USP24: variants seen among roughly 807,000 people sequenced by gnomAD.
USP24 encodes the protein ubiquitin specific peptidase 24.
A neutral mutation model predicts 361.6 loss-of-function variants in USP24; 97 were observed. That is an observed-to-expected ratio of 0.27 (90% CI 0.23 to 0.32). The LOEUF is 0.32. Among genes scored for constraint, USP24 ranks in the 10% least tolerant of loss-of-function variants. The pLI, the probability that USP24 is intolerant of heterozygous loss-of-function variation, is 1.00. For synonymous variants in USP24, 1,098 were observed against 1,124.6 expected (o/e 0.98, Z 0.47); for missense variants, 2,353 against 3,165.6 (o/e 0.74, Z 6.16).
In USP24 at chr1:55,180,186, A is replaced by C. The variant is rs113353280; in HGVS notation, c.325-2054T>G. On this transcript the variant is annotated intron_variant, in intron 1 of 67. Coordinates refer to ENST00000294383, the MANE Select transcript of USP24 (RefSeq NM_015306.3). The stretch of plus-strand genomic sequence containing the variant: ...CAGAACCTTGTCTCTCTTCATAATA[A>C]AGTGGCATTTACTTCCCCTGGATCT... 6.4e-3 allele frequency among the ~76,000 whole-genome samples: 970 copies of C among 152,202 alleles called. 4 individuals carry two copies. The highest frequency in any genetic ancestry group is 0.037 in the Middle Eastern group (11 of 294).
intron 5 of USP24, among the ~76,000 whole-genome samples, chr1:55,168,778 T>G (rs901577208): frequency 5.3e-5 from 8 of 152,288 alleles, no homozygotes; most frequent in Middle Eastern, 6.8e-3. Context: ...CACACTGACA[T>G]TATGGTCTGA....
Position 55,097,166 on chromosome 1 carries a change from A to G in USP24, c.5722T>C (p.Trp1908Arg), listed in dbSNP as rs1375001784. The change falls in exon 49 of 68, where the codon TGG (tryptophan) becomes CGG (arginine). Residue 1908 changes from tryptophan (W) to arginine (R), a missense_variant. Trp to Arg is a moderately radical substitution (Grantham distance 101, BLOSUM62 -3). Around this residue, in one of 8 missense-constraint regions of USP24, gnomAD observed 598 missense variants for 761.9 expected, o/e 0.78. Transcript: ENST00000294383. ...GTGTAAGGCTCCATGTTTAGCATCC[A>G]GGGAAACTATGTAGAAGCAAAAAGA... ...IKYDEQIRFP[W>R]MLNMEPYTVS... 1.2e-6 allele frequency: 2 copies of G among 1,613,950 alleles called. No individual in the cohort carries two copies. Among genetic ancestry groups the G allele is most frequent in the South Asian group, 2.2e-5 (2 of 91,068 alleles).
intron 42 of USP24, among the ~76,000 whole-genome samples, chr1:55,102,536 C>A (rs1008080120): frequency 5.9e-5 from 9 of 152,124 alleles, no homozygotes; most frequent in African/African-American, 2.2e-4. Flanking sequence ...CATGTAATAA[C>A]CAACTAGCAG....
chr1:55,087,879 T>C (rs1316462696), intron 55 of USP24, among the ~76,000 whole-genome samples: 1 of 152,156 alleles, frequency 6.6e-6, no homozygotes, highest in East Asian at 1.9e-4. Flanking sequence ...CCACTTACTA[T>C]GTGAAGAGGG....
intron 1 of USP24, among the ~76,000 whole-genome samples, chr1:55,200,550 G>A (rs980072938): frequency 2.0e-5 from 3 of 151,794 alleles, no homozygotes; most frequent in Admixed American, 2.0e-4. Context: ...TATTTTGGGA[G>A]GAGAAAGGAG....
At chr1:55,196,304 G>A (rs1404198139) in intron 1 of USP24, among the ~76,000 whole-genome samples, 1 of 152,110 alleles carries the variant, frequency 6.6e-6, no homozygotes, top group Non-Finnish European at 1.5e-5. Context: ...CTCCCCCTTG[G>A]TGACCTCAGT....
intron 1 of USP24, among the ~76,000 whole-genome samples, chr1:55,206,394 CTTAGTG>C (rs983242848): frequency 6.6e-6 from 1 of 152,016 alleles, no homozygotes; most frequent in Non-Finnish European, 1.5e-5. Context: ...TGAAGAACGA[CTTAGTG>C]TTAGACAGGC....
At chr1:55,168,509 C>T (rs1044460683) in intron 5 of USP24, among the ~76,000 whole-genome samples, 1 of 152,074 alleles carries the variant, frequency 6.6e-6, no homozygotes, top group African/African-American at 2.4e-5. Context: ...GCCAGATTCA[C>T]CCACAGGCAG....
At chr1:55,162,912 G>C (rs1336617021) in intron 7 of USP24, among the ~76,000 whole-genome samples, 1 of 152,034 alleles carries the variant, frequency 6.6e-6, no homozygotes. Flanking sequence ...ACACAATGTT[G>C]CAACAGTACA....
intron 3 of USP24, 44 bp downstream of exon 3, chr1:55,176,332 C>A: frequency 6.6e-7 from 1 of 1,513,864 alleles, no homozygotes; most frequent in South Asian, 1.2e-5. Context: ...ACCCTGCCCC[C>A]ACCCCGACAC....
chr1:55,100,812 A>C, intron 44 of USP24, 27 bp downstream of exon 44: 1 of 1,574,190 alleles, frequency 6.4e-7, no homozygotes, highest in South Asian at 1.2e-5. Flanking sequence ...AACATCTTTA[A>C]ATCTCAAGAG....
At chr1:55,138,243 C>T (rs148974307) in intron 26 of USP24, among the ~76,000 whole-genome samples, 1 of 152,234 alleles carries the variant, frequency 6.6e-6, no homozygotes, top group African/African-American at 2.4e-5. Flanking sequence ...AATGTTCTCC[C>T]AAGCAAACGT....
intron 7 of USP24, 30 bp downstream of exon 7, chr1:55,165,853 CCA>C: frequency 2.6e-6 from 4 of 1,540,848 alleles, no homozygotes; most frequent in Non-Finnish European, 2.6e-6. Flanking sequence ...AAATGAATTT[CCA>C]CAGTGAGCAT....
chr1:55,192,533 C>T (rs1329280087), intron 1 of USP24, among the ~76,000 whole-genome samples: 1 of 152,182 alleles, frequency 6.6e-6, no homozygotes, highest in African/African-American at 2.4e-5. Flanking sequence ...TTGTCTATTA[C>T]TTGTGTATTA....
At chr1:55,138,169 T>A (rs1357657866) in intron 26 of USP24, among the ~76,000 whole-genome samples, 1 of 152,152 alleles carries the variant, frequency 6.6e-6, no homozygotes, top group Non-Finnish European at 1.5e-5. Context: ...TTTCCCTTTC[T>A]CACTGTGCTC....
intron 8 of USP24, among the ~76,000 whole-genome samples, chr1:55,161,519 G>A (rs900888570): frequency 6.6e-6 from 1 of 152,126 alleles, no homozygotes; most frequent in African/African-American, 2.4e-5. Flanking sequence ...TGCTCCAGAA[G>A]GACACTGTGC....
At chr1:55,151,589 GT>G (rs60258543) in intron 16 of USP24, among the ~76,000 whole-genome samples, 2 of 151,232 alleles carry the variant, frequency 1.3e-5, no homozygotes, top group South Asian at 2.1e-4. Context: ...GAAAAATGAG[GT>G]TTTTTTTTGG....
At chr1:55,107,841 C>CAAAAAAAAAAA (rs777328294) in intron 39 of USP24, among the ~76,000 whole-genome samples, 12 of 38,222 alleles carry the variant, frequency 3.1e-4, no homozygotes, top group East Asian at 1.1e-3. Flanking sequence ...GACTCTGTCT[C>CAAAAAAAAAAA]AAAAAAAAAA....
chr1:55,178,664 A>T (rs1371849315), intron 1 of USP24, among the ~76,000 whole-genome samples: 1 of 148,794 alleles, frequency 6.7e-6, no homozygotes, highest in Non-Finnish European at 1.5e-5. Flanking sequence ...CAACAGAGTG[A>T]GACTCCGTCT....
Sources: gnomAD v4.1 joint callset for allele counts (sites outside exome capture counted in the v4.1 genomes callset) on GRCh38, gnomAD v4.1.1 for gene constraint, gnomAD v4.1.1 regional missense constraint, MANE v1.5 for transcripts, NCBI Gene and HGNC (gene_info 2026-07-23, HGNC 2026-07-21) for gene names.